The following CAPN7 variants were observed in gnomAD, a reference collection of about 807,000 sequenced individuals.
The protein encoded by CAPN7 is calpain 7.
In CAPN7, 72 loss-of-function variants were observed where a neutral mutation model predicts 115.2. The ratio of observed to expected loss-of-function variants is 0.63; its 90% CI spans 0.52 to 0.76. CAPN7 has a LOEUF of 0.76. Among genes scored for constraint, CAPN7 ranks in the 30% least tolerant of loss-of-function variants. The pLI, the probability that CAPN7 is intolerant of heterozygous loss-of-function variation, is 0.00. For synonymous variants in CAPN7, 344 were observed against 322.3 expected (o/e 1.07, Z -0.72); for missense variants, 905 against 971.5 (o/e 0.93, Z 0.91).
chr3:15,206,557 A>G lies in CAPN7; in HGVS notation c.62A>G (p.Asp21Gly). 6.4e-7 allele frequency: 1 copy of G among 1,555,354 alleles called. No individual in the cohort carries two copies. Among genetic ancestry groups the G allele is most frequent in the African/African-American group, 1.4e-5 (1 of 73,046 alleles). Residue 21 changes from aspartate to glycine, a missense_variant, in exon 1 of 21, where the codon GAC becomes GGC. Around this residue, in one of 3 missense-constraint regions of CAPN7, gnomAD observed 271 missense variants for 239.6 expected, o/e 1.13. Coordinates refer to ENST00000253693, the MANE Select transcript of CAPN7 (RefSeq NM_014296.3). Reference protein sequence around the residue: ...VQFARLAVQRDHEGRYSEAVF... With the variant: ...VQFARLAVQRGHEGRYSEAVF... ...TTCGCCCGTCTGGCGGTTCAGCGCGACCACGAAGGCCGCTACTCCGAGGCG... is the reference window on the plus strand; with the variant it reads ...TTCGCCCGTCTGGCGGTTCAGCGCGGCCACGAAGGCCGCTACTCCGAGGCG...
intron 3 of CAPN7, among the ~76,000 whole-genome samples, chr3:15,217,917 A>T (rs1693735153): frequency 6.6e-6 from 1 of 152,228 alleles, no homozygotes; most frequent in Non-Finnish European, 1.5e-5. Context: ...GCACTAAAAA[A>T]TAAGCTAGTG....
At chr3:15,227,801 G>T (rs879737450) in intron 6 of CAPN7, 38 bp from the exon 7 acceptor site, 3 of 1,315,096 alleles carry the variant, frequency 2.3e-6, no homozygotes, top group South Asian at 3.6e-5. Context: ...CATCTTTTAA[G>T]ATTAATTTTT....
chr3:15,243,589 CAG>C (rs986151157), intron 16 of CAPN7, among the ~76,000 whole-genome samples: 15 of 152,154 alleles, frequency 9.9e-5, no homozygotes, highest in Admixed American at 9.2e-4. Context: ...AGAATTTGAA[CAG>C]AGGGCCTGAT....
Position 15,245,580 on chromosome 3 carries a change from C to G in CAPN7, c.1919C>G (p.Thr640Ser). The change falls in exon 17 of 21, where the codon ACT becomes AGT. Residue 640 changes from threonine to serine, a missense_variant. Coordinates refer to ENST00000253693, the MANE Select transcript of CAPN7 (RefSeq NM_014296.3). ...GIRINSPHYL[T>S]KIKLTTPGTH... Reference sequence around the variant, plus strand: ...CGAATTAACAGCCCTCATTATTTGACTAAGATAAAGCTGACCACACCTGGC... The same window carrying G: ...CGAATTAACAGCCCTCATTATTTGAGTAAGATAAAGCTGACCACACCTGGC... 1 of 1,613,906 alleles carries G rather than the reference C, an allele frequency of 6.2e-7. No homozygotes were observed. The highest frequency in any genetic ancestry group is 8.5e-7 in the Non-Finnish European group (1 of 1,179,890).
At chr3:15,222,738 G>C (rs935135416) in intron 5 of CAPN7, among the ~76,000 whole-genome samples, 1 of 152,150 alleles carries the variant, frequency 6.6e-6, no homozygotes, top group African/African-American at 2.4e-5. Flanking sequence ...ACAAAATGCA[G>C]CTATCCTTCA....
chr3:15,207,759 T>A (rs2044712952), intron 1 of CAPN7, among the ~76,000 whole-genome samples: 1 of 152,164 alleles, frequency 6.6e-6, no homozygotes, highest in East Asian at 1.9e-4. Flanking sequence ...CTGGGAGGTC[T>A]TCAGGAGCAA....
At position 15,242,541 on chromosome 3, in the gene CAPN7, G is replaced by A. The variant is rs369925173; in HGVS notation, c.1864+288G>A. Among the ~76,000 whole-genome samples the A allele has an allele frequency of 1.6e-4, 24 of 152,284 alleles. No individual in the cohort carries two copies. In the East Asian group the frequency reaches 3.5e-3, roughly 22 times the overall value. On this transcript the variant is annotated intron_variant, in intron 16 of 20. Coordinates refer to ENST00000253693, the MANE Select transcript of CAPN7 (RefSeq NM_014296.3). The stretch of plus-strand genomic sequence containing the variant: ...CTTTTACTCTAATCAAATGTATTCT[G>A]TGGTTTTCCTTGAACTTCTGGATAA...
intron 11 of CAPN7, 68 bp downstream of exon 11, chr3:15,234,041 C>G: frequency 2.3e-6 from 2 of 856,514 alleles, no homozygotes; most frequent in Non-Finnish European, 3.8e-6. Flanking sequence ...GCTGGCTGGG[C>G]GTGGTGGGTC....
chr3:15,217,697 T>C, intron 3 of CAPN7, 115 bp downstream of exon 3: 1 of 798,728 alleles, frequency 1.3e-6, no homozygotes, highest in South Asian at 2.8e-5. Flanking sequence ...AAAAAAATTA[T>C]TTTAAATGTA....
At chr3:15,247,752 A>C (rs1395491096) in intron 19 of CAPN7, among the ~76,000 whole-genome samples, 2 of 151,210 alleles carry the variant, frequency 1.3e-5, no homozygotes, top group African/African-American at 4.9e-5. Flanking sequence ...GAAATGTTTT[A>C]ACCTCAAGAG....
chr3:15,227,737 A>T (rs1394945130), intron 6 of CAPN7, 102 bp from the exon 7 acceptor site: 1 of 655,142 alleles, frequency 1.5e-6, no homozygotes. Flanking sequence ...CAGTACTGCT[A>T]TAATCACTAG....
At chr3:15,219,958 T>C (rs1381656756) in intron 4 of CAPN7, among the ~76,000 whole-genome samples, 1 of 152,190 alleles carries the variant, frequency 6.6e-6, no homozygotes, top group Non-Finnish European at 1.5e-5. Flanking sequence ...CCCAACACTT[T>C]GGGAGACTGA....
At chr3:15,210,684 TCCC>T in intron 1 of CAPN7, 1 of 688,994 alleles carries the variant, frequency 1.5e-6, no homozygotes, top group Non-Finnish European at 2.2e-6. Context: ...AGCCTCCACC[TCCC>T]AGGGCTCAGG....
chr3:15,227,373 G>A (rs1006540911), intron 6 of CAPN7, among the ~76,000 whole-genome samples: 2 of 152,088 alleles, frequency 1.3e-5, no homozygotes, highest in Non-Finnish European at 2.9e-5. Flanking sequence ...AGTGGATTAT[G>A]TATGTAAAGC....
In CAPN7 at chr3:15,212,333, G is replaced by C. The variant is rs530677612; in HGVS notation, c.211+121G>C. The C allele has an allele frequency of 7.1e-5, 40 of 562,904 alleles. No homozygotes were observed. The South Asian group carries it at 1.1e-3, about 15-fold the overall frequency. The allele number at this position is 562,904 out of a possible 1,614,324, so 34.9% of individuals were successfully genotyped here. A position where few individuals can be genotyped will look rare whatever the true frequency, so the allele number is the denominator to read the frequency against. ...GAATCTTGATGCTCACTCTGTTGCT[G>C]CTCATTCCACTTTTGGTAATCACCT... On this transcript the variant is annotated intron_variant, in intron 2 of 20. Coordinates refer to ENST00000253693, the MANE Select transcript of CAPN7 (RefSeq NM_014296.3).
Position 15,206,392 on chromosome 3 carries a change from C to G in CAPN7, c.-104C>G. 1.3e-6 allele frequency: 1 copy of G among 799,290 alleles called. No individual in the cohort carries two copies. The allele number at this position is 799,290 out of a possible 1,614,324, so 49.5% of individuals were successfully genotyped here. On this transcript the variant is annotated 5_prime_UTR_variant, in exon 1 of 21. Coordinates refer to ENST00000253693, the MANE Select transcript of CAPN7 (RefSeq NM_014296.3). ...TCCAAAGTAAACTTTGCCGCTCCTT[C>G]CGCGGCGCTCCCGAGTCCTCGCCGC...
intron 2 of CAPN7, among the ~76,000 whole-genome samples, chr3:15,216,408 A>G (rs1693597114): frequency 1.3e-5 from 2 of 152,132 alleles, no homozygotes; most frequent in South Asian, 2.1e-4. Flanking sequence ...CTTATGTGCC[A>G]TTTGACCTTT....
In CAPN7 at chr3:15,241,681, A is replaced by G. The variant is rs565178685; in HGVS notation, c.1788+93A>G. ...ACATACGTAAACACCAGCCTGTTTA[A>G]TTTACATAGGTGCCCTGAGAATAGT... On this transcript the variant is annotated intron_variant, in intron 15 of 20. Transcript: ENST00000253693. The G allele has an allele frequency of 1.4e-5, 14 of 1,012,714 alleles. No individual in the cohort carries two copies. In the African/African-American group the frequency reaches 1.8e-4, roughly 13 times the overall value. The allele number at this position is 1,012,714 out of a possible 1,614,324, so 62.7% of individuals were successfully genotyped here. A position where few individuals can be genotyped will look rare whatever the true frequency, so the allele number is the denominator to read the frequency against.
At chr3:15,248,133 AC>A (rs1253852411) in intron 19 of CAPN7, among the ~76,000 whole-genome samples, 1 of 152,126 alleles carries the variant, frequency 6.6e-6, no homozygotes, top group East Asian at 1.9e-4. Flanking sequence ...TATGTAACTA[AC>A]CTGCACAATG....
Sources: allele counts gnomAD v4.1 joint callset (sites outside exome capture counted in the v4.1 genomes callset), GRCh38; gene constraint gnomAD v4.1.1; regional missense constraint gnomAD v4.1.1; transcripts MANE v1.5; gene names NCBI Gene and HGNC (gene_info 2026-07-23, HGNC 2026-07-21).